The following ROBO1 variants were observed in gnomAD, a reference collection of about 807,000 sequenced individuals.
ROBO1 encodes roundabout guidance receptor 1, also known as roundabout homolog 1.
Under a neutral mutation model 195.9 loss-of-function variants are expected in ROBO1, and 149 were observed. The observed-to-expected ratio is 0.76, with a 90% CI of 0.67 to 0.87. ROBO1 has a LOEUF of 0.87. Among genes scored for constraint, ROBO1 ranks in the 40% least tolerant of loss-of-function variants. The pLI, the probability that ROBO1 is intolerant of heterozygous loss-of-function variation, is 0.00. For synonymous variants in ROBO1, 816 were observed against 733.2 expected (o/e 1.11, Z -1.82); for missense variants, 1,933 against 2,068.3 (o/e 0.93, Z 1.27).
At chr3:79,478,230 C>T (rs962602821) in intron 2 of ROBO1, among the ~76,000 whole-genome samples, 8 of 152,030 alleles carry the variant, frequency 5.3e-5, no homozygotes, top group Non-Finnish European at 8.8e-5. Context: ...AGGTGAGTTG[C>T]CAAACGATCG....
chr3:79,151,025 C>T lies in ROBO1; in HGVS notation c.89-25486G>A, dbSNP rs926834257. Reference sequence around the variant, plus strand: ...AATTGAATCATGGGGGTGGTTTCTCCGTACTGTTCACGTGGTAATGAATAG... The same window carrying T: ...AATTGAATCATGGGGGTGGTTTCTCTGTACTGTTCACGTGGTAATGAATAG... On this transcript the variant is annotated intron_variant, in intron 2 of 30. Coordinates refer to ENST00000464233, the MANE Select transcript of ROBO1 (RefSeq NM_002941.4). 4.0e-5 allele frequency among the ~76,000 whole-genome samples: 6 copies of T among 151,662 alleles called. No individual in the cohort carries two copies. The East Asian group carries it at 5.9e-4, about 15-fold the overall frequency.
At chr3:79,492,416 ACT>A (rs1939509452) in intron 2 of ROBO1, among the ~76,000 whole-genome samples, 1 of 112,084 alleles carries the variant, frequency 8.9e-6, no homozygotes, top group African/African-American at 4.0e-5. Context: ...TAAGAGTGAG[ACT>A]CTGTTTCAGA....
intron 4 of ROBO1, among the ~76,000 whole-genome samples, chr3:78,918,181 T>C (rs1490185553): frequency 6.6e-6 from 1 of 152,140 alleles, no homozygotes; most frequent in Admixed American, 6.5e-5. Context: ...GGTAAACCAT[T>C]TATGGAAAAT....
chr3:78,743,144 A>G (rs2082573210), intron 5 of ROBO1, among the ~76,000 whole-genome samples: 1 of 152,058 alleles, frequency 6.6e-6, no homozygotes. Flanking sequence ...ATTATTTTTT[A>G]TCTAGTGTAT....
chr3:79,480,183 C>T (rs947569630), intron 2 of ROBO1, among the ~76,000 whole-genome samples: 18 of 152,076 alleles, frequency 1.2e-4, no homozygotes, highest in Admixed American at 1.0e-3. Flanking sequence ...ATGCCAAATA[C>T]TCTCTTATTA....
intron 2 of ROBO1, among the ~76,000 whole-genome samples, chr3:79,199,919 A>T (rs2081730595): frequency 1.3e-5 from 2 of 151,836 alleles, no homozygotes; most frequent in South Asian, 4.1e-4. Flanking sequence ...ACATTTCTTT[A>T]AAGTCTAAGA....
rs201270017 is a variant in ROBO1, at chr3:78,597,570, A to AATCATC, written c.*1342_*1343insGATGAT. 6.6e-6 allele frequency: 1 copy of AATCATC among 152,382 alleles called. No homozygotes were observed. Among genetic ancestry groups the AATCATC allele is most frequent in the African/African-American group, 2.4e-5 (1 of 41,394 alleles). The allele number at this position is 152,382 out of a possible 1,614,324, so 9.4% of individuals were successfully genotyped here. On this transcript the variant is annotated 3_prime_UTR_variant, in exon 31 of 31. Coordinates refer to ENST00000464233, the MANE Select transcript of ROBO1 (RefSeq NM_002941.4). ...TTTCTTCAAATAGCACCAATTATAAAATCAATGATATTCATAAAATGACAA... is the reference window on the plus strand; with the variant it reads ...TTTCTTCAAATAGCACCAATTATAAAATCATCATCAATGATATTCATAAAATGACAA...
intron 3 of ROBO1, among the ~76,000 whole-genome samples, chr3:79,060,501 T>C (rs1300872749): frequency 1.3e-5 from 2 of 151,990 alleles, no homozygotes; most frequent in Non-Finnish European, 1.5e-5. Flanking sequence ...AAATTTCTCT[T>C]TTTTGTGCTC....
chr3:79,016,433 A>G (rs1031656055), intron 3 of ROBO1, among the ~76,000 whole-genome samples: 12 of 152,242 alleles, frequency 7.9e-5, no homozygotes, highest in African/African-American at 2.9e-4. Flanking sequence ...AATTAGAAAC[A>G]GAAAAACTAG....
chr3:79,612,813 C>A lies in ROBO1; in HGVS notation c.-50-22852G>T, dbSNP rs1233822207. On this transcript the variant is annotated intron_variant, in intron 1 of 30. Transcript: ENST00000464233. Reference sequence around the variant, plus strand: ...GAGCATTTTTTCATGTGTTTTTTGGCTGCATAAATGTCTTCTTTTGAGAAG... The same window carrying A: ...GAGCATTTTTTCATGTGTTTTTTGGATGCATAAATGTCTTCTTTTGAGAAG... Among the ~76,000 whole-genome samples, 4 of 354 alleles carry A rather than the reference C, an allele frequency of 0.011. No individual in the cohort carries two copies. The East Asian group carries it at 0.12, about 10-fold the overall frequency. 0.2% of individuals were successfully genotyped at this position (354 alleles called of 152,430 possible).
chr3:79,361,695 T>G (rs1298873709), intron 2 of ROBO1, among the ~76,000 whole-genome samples: 2 of 152,080 alleles, frequency 1.3e-5, no homozygotes, highest in Non-Finnish European at 2.9e-5. Context: ...GTTTGAGCTC[T>G]CAACTTTTTA....
At chr3:79,304,655 T>C (rs910741590) in intron 2 of ROBO1, among the ~76,000 whole-genome samples, 1 of 152,174 alleles carries the variant, frequency 6.6e-6, no homozygotes, top group African/African-American at 2.4e-5. Context: ...TCATCCATAA[T>C]GAGATGTGTA....
rs536603898 is a variant in ROBO1, at chr3:78,819,454, A to AC, written c.500-72555_500-72554insG. Among the ~76,000 whole-genome samples the AC allele has an allele frequency of 6.7e-3, 1,011 of 151,716 alleles. 11 individuals carry two copies. Among genetic ancestry groups the AC allele is most frequent in the Middle Eastern group, 0.044 (13 of 294 alleles). On this transcript the variant is annotated intron_variant, in intron 4 of 30. Coordinates refer to ENST00000464233, the MANE Select transcript of ROBO1 (RefSeq NM_002941.4). ...ACGTGTCCATATTCTACAAAAAAAA[A>AC]AAAACAAAACCTTTTTTTTTCTTTT...
At chr3:78,817,301 A>G (rs1458804135) in intron 4 of ROBO1, among the ~76,000 whole-genome samples, 1 of 152,210 alleles carries the variant, frequency 6.6e-6, no homozygotes, top group Admixed American at 6.5e-5. Flanking sequence ...TGAGATTAAG[A>G]TGATTGTTTG....
chr3:79,282,123 G>GA (rs994219755), intron 2 of ROBO1, among the ~76,000 whole-genome samples: 10 of 151,918 alleles, frequency 6.6e-5, no homozygotes, highest in African/African-American at 1.9e-4. Flanking sequence ...TACATGCTAC[G>GA]AAAAAAATAA....
chr3:78,620,300 T>A (rs1704375861), intron 26 of ROBO1, among the ~76,000 whole-genome samples: 1 of 151,770 alleles, frequency 6.6e-6, no homozygotes, highest in South Asian at 2.1e-4. Flanking sequence ...GTGGGTGGCA[T>A]CAGGAGTTCA....
At chr3:78,869,355 T>TA (rs1470432156) in intron 4 of ROBO1, among the ~76,000 whole-genome samples, 1 of 152,192 alleles carries the variant, frequency 6.6e-6, no homozygotes, top group Non-Finnish European at 1.5e-5. Flanking sequence ...CCACAAACAA[T>TA]ACATTTTAAA....
At chr3:78,939,378 G>C (rs1022622736) in intron 3 of ROBO1, among the ~76,000 whole-genome samples, 1 of 151,954 alleles carries the variant, frequency 6.6e-6, no homozygotes, top group Non-Finnish European at 1.5e-5. Context: ...ACTTTGGGGG[G>C]CCGAGGCGGG....
chr3:78,991,093 T>C (rs541730348), intron 3 of ROBO1, among the ~76,000 whole-genome samples: 1 of 152,242 alleles, frequency 6.6e-6, no homozygotes, highest in Admixed American at 6.5e-5. Flanking sequence ...TAAATTATAT[T>C]ATGGATAGGA....
Sources: gnomAD v4.1 joint callset for allele counts (sites outside exome capture counted in the v4.1 genomes callset) on GRCh38, gnomAD v4.1.1 for gene constraint, MANE v1.5 for transcripts, NCBI Gene and HGNC (gene_info 2026-07-23, HGNC 2026-07-21) for gene names.